The following SLC3A1 variants were observed in gnomAD, a reference collection of about 807,000 sequenced individuals.
SLC3A1 encodes the protein amino acid transporter heavy chain SLC3A1.
A neutral mutation model predicts 60.3 loss-of-function variants in SLC3A1; 78 were observed. The observed-to-expected ratio is 1.29, with a 90% confidence interval of 1.08 to 1.56. The LOEUF is 1.56. Ranked by LOEUF, SLC3A1 falls within the 40% of genes most tolerant of loss-of-function variation. The pLI is 0.00. For missense variants in SLC3A1, 1,172 were observed against 858.9 expected (o/e 1.36, Z -4.56); for synonymous variants, 392 against 307.9 (o/e 1.27, Z -2.86).
At chr2:44,285,947 T>C (rs1257589208) in intron 3 of SLC3A1, 85 bp from the exon 4 acceptor site, 2 of 1,530,940 alleles carry the variant, frequency 1.3e-6, no homozygotes, top group Non-Finnish European at 1.8e-6. Context: ...ATACTCTGCC[T>C]GCAAAGGATC....
At chr2:44,298,919 CTG>C (rs1671926722) in intron 4 of SLC3A1, among the ~76,000 whole-genome samples, 1 of 151,820 alleles carries the variant, frequency 6.6e-6, no homozygotes, top group Non-Finnish European at 1.5e-5. Flanking sequence ...GGAAGAAAGT[CTG>C]TCACCAAAGA....
intron 3 of SLC3A1, among the ~76,000 whole-genome samples, chr2:44,283,651 G>A (rs1163503714): frequency 6.6e-6 from 1 of 152,052 alleles, no homozygotes; most frequent in Non-Finnish European, 1.5e-5. Flanking sequence ...TTGTGATCCA[G>A]TTTTTCCATT....
At chr2:44,302,818 C>G (rs1395544583) in intron 6 of SLC3A1, among the ~76,000 whole-genome samples, 1 of 152,178 alleles carries the variant, frequency 6.6e-6, no homozygotes, top group African/African-American at 2.4e-5. Flanking sequence ...TAAAGAAAGT[C>G]TTCATGGATG....
At chr2:44,322,008 A>T, downstream of SLC3A1, 5 of 1,142,380 alleles carry the variant, frequency 4.4e-6, no homozygotes, top group Non-Finnish European at 6.0e-6. Context: ...AAATAATAGT[A>T]AAGGAATAAA....
At chr2:44,284,745 T>C (rs1671576911) in intron 3 of SLC3A1, among the ~76,000 whole-genome samples, 1 of 151,980 alleles carries the variant, frequency 6.6e-6, no homozygotes, top group African/African-American at 2.4e-5. Flanking sequence ...TTTTATTTTT[T>C]TGTAAATATG....
rs1264716454 is a variant in SLC3A1, at chr2:44,303,662, T to C, written c.1137-481T>C. 8 of 225,394 alleles carry C rather than the reference T, an allele frequency of 3.5e-5. No homozygotes were observed. In the South Asian group the frequency reaches 5.1e-4, roughly 14 times the overall value. The allele number at this position is 225,394 out of a possible 1,614,324, so 14.0% of individuals were successfully genotyped here. A position where few individuals can be genotyped will look rare whatever the true frequency, so the allele number is the denominator to read the frequency against. ...TTGTTACATAGGTATACATGTGCCATGTTGGTTTGCTGCACCCATCAACTT... is the reference window on the plus strand; with the variant it reads ...TTGTTACATAGGTATACATGTGCCACGTTGGTTTGCTGCACCCATCAACTT... On this transcript the variant is annotated intron_variant, in intron 6 of 9. Coordinates refer to ENST00000260649, the MANE Select transcript of SLC3A1 (RefSeq NM_000341.4).
intron 7 of SLC3A1, 83 bp from the exon 8 acceptor site, chr2:44,312,503 C>A: frequency 6.9e-7 from 1 of 1,455,930 alleles, no homozygotes; most frequent in Non-Finnish European, 9.6e-7. Flanking sequence ...TGTTTTGCTA[C>A]GTTGTGAACT....
At chr2:44,322,090 G>C (rs2241869), downstream of SLC3A1, among the ~76,000 whole-genome samples, 1 of 151,894 alleles carries the variant, frequency 6.6e-6, no homozygotes, top group South Asian at 2.1e-4. Context: ...CTGACACAGC[G>C]AAAGCAGGAA....
At chr2:44,283,693 G>A (rs1671549469) in intron 3 of SLC3A1, among the ~76,000 whole-genome samples, 1 of 152,048 alleles carries the variant, frequency 6.6e-6, no homozygotes, top group African/African-American at 2.4e-5. Flanking sequence ...AGTCAAGGTT[G>A]CATTTTCTAA....
chr2:44,319,947 A>C, intron 9 of SLC3A1: 6 of 468,044 alleles, frequency 1.3e-5, no homozygotes, highest in South Asian at 1.2e-4. Context: ...ATCTCTACAG[A>C]AACTCTACAA....
Position 44,280,912 on chromosome 2 carries a change from G to A in SLC3A1, c.610+17G>A. 1.2e-6 allele frequency: 2 copies of A among 1,611,362 alleles called. No homozygotes were observed. The highest frequency in any genetic ancestry group is 1.7e-6 in the Non-Finnish European group (2 of 1,177,482). ...ATGATAAAGGTAAGTTGAATGGAAAGTGGGCAAGATGGGGATGAGGTTTGA... is the reference window on the plus strand; with the variant it reads ...ATGATAAAGGTAAGTTGAATGGAAAATGGGCAAGATGGGGATGAGGTTTGA... On this transcript the variant is annotated intron_variant, in intron 2 of 9. Coordinates refer to ENST00000260649, the MANE Select transcript of SLC3A1 (RefSeq NM_000341.4).
chr2:44,276,731 T>C (rs1022694886), intron 1 of SLC3A1, among the ~76,000 whole-genome samples: 1 of 152,090 alleles, frequency 6.6e-6, no homozygotes. Flanking sequence ...AAAAATTATT[T>C]TTTAAAAGCT....
intron 7 of SLC3A1, among the ~76,000 whole-genome samples, chr2:44,310,057 A>G (rs1397719363): frequency 6.6e-6 from 1 of 151,882 alleles, no homozygotes; most frequent in Admixed American, 6.6e-5. Flanking sequence ...CCATACCTGG[A>G]TAATTTTTGT....
rs114152681 is a variant in SLC3A1, at chr2:44,302,775, A to C, written c.1137-1368A>C. ...TACCCCACCTAATTTGCAGACATAA[A>C]CTTTAGATTCTAAATGGAGTGATGA... On this transcript the variant is annotated intron_variant, in intron 6 of 9. Coordinates refer to ENST00000260649, the MANE Select transcript of SLC3A1 (RefSeq NM_000341.4). 3.3e-3 allele frequency among the ~76,000 whole-genome samples: 509 copies of C among 152,334 alleles called. 3 individuals are homozygous for C. The highest frequency in any genetic ancestry group is 0.012 in the African/African-American group (493 of 41,566).
At chr2:44,277,476 G>A (rs1008733269) in intron 1 of SLC3A1, among the ~76,000 whole-genome samples, 4 of 151,992 alleles carry the variant, frequency 2.6e-5, no homozygotes, top group African/African-American at 9.7e-5. Flanking sequence ...TGTCCTTCAT[G>A]GTGCAGCTCA....
chr2:44,290,755 A>T lies in SLC3A1; in HGVS notation c.891+4598A>T, dbSNP rs1441486098. On this transcript the variant is annotated intron_variant, in intron 4 of 9. Coordinates refer to ENST00000260649, the MANE Select transcript of SLC3A1 (RefSeq NM_000341.4). ...GAATTGTTTTGGAATTGGTTCTGGA[A>T]GTAAGCACCATGAGTGAGGGCACCT... Among the ~76,000 whole-genome samples the T allele has an allele frequency of 2.6e-5, 4 of 150,964 alleles. No homozygotes were observed. The East Asian group carries it at 7.8e-4, about 29-fold the overall frequency.
At chr2:44,307,202 T>A (rs1348437017) in intron 7 of SLC3A1, among the ~76,000 whole-genome samples, 1 of 152,262 alleles carries the variant, frequency 6.6e-6, no homozygotes, top group African/African-American at 2.4e-5. Flanking sequence ...TATGGCTGAA[T>A]AGTAACTTCC....
At chr2:44,304,368 T>C in intron 7 of SLC3A1, 30 bp downstream of exon 7, 2 of 1,550,756 alleles carry the variant, frequency 1.3e-6, no homozygotes, top group Non-Finnish European at 8.9e-7. Context: ...GAGTACATAA[T>C]GTGCTGCTGT....
chr2:44,284,644 T>C (rs2104339981), intron 3 of SLC3A1, among the ~76,000 whole-genome samples: 1 of 152,256 alleles, frequency 6.6e-6, no homozygotes, highest in South Asian at 2.1e-4. Context: ...CTTACTGCAG[T>C]CTCGAGCTCC....
Sources: gnomAD v4.1 joint callset for allele counts (sites outside exome capture counted in the v4.1 genomes callset) on GRCh38, gnomAD v4.1.1 for gene constraint, MANE v1.5 for transcripts, NCBI Gene and HGNC (gene_info 2026-07-23, HGNC 2026-07-21) for gene names.